The following RAPGEF4 variants were observed in gnomAD, a reference collection of about 807,000 sequenced individuals.
The protein encoded by RAPGEF4 is Rap guanine nucleotide exchange factor 4, also known as RAP guanine-nucleotide-exchange factor (GEF) 4.
Under a neutral mutation model 147.9 loss-of-function variants are expected in RAPGEF4, and 66 were observed. The observed-to-expected ratio is 0.45, with a 90% confidence interval of 0.37 to 0.55. The LOEUF (loss-of-function observed/expected upper bound fraction) is 0.55, where lower values mean the gene tolerates loss of function less well. RAPGEF4 is among the 20% of genes least tolerant of loss of function. The pLI is 0.00. For missense variants in RAPGEF4, 1,071 were observed against 1,257.3 expected (o/e 0.85, Z 2.24); for synonymous variants, 419 against 442.7 (o/e 0.95, Z 0.67).
chr2:172,905,295 G>T (rs976396322), intron 4 of RAPGEF4, among the ~76,000 whole-genome samples: 4 of 152,030 alleles, frequency 2.6e-5, no homozygotes, highest in African/African-American at 9.7e-5. Context: ...GTCCTCACTA[G>T]CCTGCAAGGC....
chr2:172,742,475 T>C (rs1483007038), intron 1 of RAPGEF4, among the ~76,000 whole-genome samples: 1 of 152,238 alleles, frequency 6.6e-6, no homozygotes, highest in African/African-American at 2.4e-5. Flanking sequence ...TATTTGGGTC[T>C]AGAGTTTGAC....
At chr2:172,921,501 C>G (rs1684757555) in intron 5 of RAPGEF4, among the ~76,000 whole-genome samples, 1 of 152,148 alleles carries the variant, frequency 6.6e-6, no homozygotes, top group African/African-American at 2.4e-5. Flanking sequence ...TTGCAAACCA[C>G]CTCATACTGC....
At chr2:172,821,629 T>C (rs1574946982) in intron 4 of RAPGEF4, 2 of 1,014,342 alleles carry the variant, frequency 2.0e-6, no homozygotes, top group African/African-American at 1.7e-5. Flanking sequence ...CTTGGACTTA[T>C]GTCTGCACCA....
chr2:173,039,051 C>A (rs567616811), intron 29 of RAPGEF4, among the ~76,000 whole-genome samples: 1 of 152,220 alleles, frequency 6.6e-6, no homozygotes, highest in Non-Finnish European at 1.5e-5. Context: ...CTCACAGAGT[C>A]CACTTTTGCT....
At chr2:172,779,282 G>A (rs1203196474) in intron 1 of RAPGEF4, among the ~76,000 whole-genome samples, 1 of 152,166 alleles carries the variant, frequency 6.6e-6, no homozygotes, top group African/African-American at 2.4e-5. Context: ...TTGGAATAAA[G>A]CAATGCAGGG....
intron 1 of RAPGEF4, among the ~76,000 whole-genome samples, chr2:172,771,145 A>G (rs1301216364): frequency 6.6e-6 from 1 of 152,006 alleles, no homozygotes; most frequent in Non-Finnish European, 1.5e-5. Context: ...TAAAAAATAA[A>G]TTTATTGCCC....
chr2:173,038,214 T>A (rs537174521), intron 29 of RAPGEF4, among the ~76,000 whole-genome samples: 1 of 152,346 alleles, frequency 6.6e-6, no homozygotes, highest in Non-Finnish European at 1.5e-5. Flanking sequence ...TTGATCAAAG[T>A]AGACAACATT....
chr2:173,029,985 A>G (rs1697031068), intron 25 of RAPGEF4, among the ~76,000 whole-genome samples, 179 bp from the exon 26 acceptor site: 1 of 152,236 alleles, frequency 6.6e-6, no homozygotes, highest in Non-Finnish European at 1.5e-5. Context: ...ACAGTGAGAA[A>G]TCAAACAGCA....
At chr2:172,912,226 T>C (rs1242426951) in intron 4 of RAPGEF4, among the ~76,000 whole-genome samples, 1 of 152,254 alleles carries the variant, frequency 6.6e-6, no homozygotes, top group African/African-American at 2.4e-5. Context: ...CTCTGTTTCT[T>C]ACAGTCCAGG....
intron 29 of RAPGEF4, 148 bp from the exon 30 acceptor site, chr2:173,048,452 A>G (rs917070346): frequency 5.6e-6 from 8 of 1,440,338 alleles, no homozygotes; most frequent in Middle Eastern, 2.4e-4. Flanking sequence ...CAAGTTATAC[A>G]TCAGCTAGTT....
intron 8 of RAPGEF4, among the ~76,000 whole-genome samples, chr2:172,962,948 G>GA (rs1689449358): frequency 1.3e-5 from 2 of 152,094 alleles, no homozygotes; most frequent in Admixed American, 1.3e-4. Flanking sequence ...AATTTTTGAA[G>GA]AAAAATGGTT....
Position 172,736,116 on chromosome 2 carries a change from A to G in RAPGEF4, c.65+68A>G, listed in dbSNP as rs1574633953. The stretch of plus-strand genomic sequence containing the variant: ...GCTGCCCGGGCCCTGAGACCGCCGC[A>G]GCTCCGCACCTGGGCGCAGCGCGGC... On this transcript the variant is annotated intron_variant, in intron 1 of 30. Transcript: ENST00000397081. 8 of 1,256,966 alleles carry G rather than the reference A, an allele frequency of 6.4e-6. No individual in the cohort carries two copies. The East Asian group carries it at 2.4e-4, about 37-fold the overall frequency. 77.9% of individuals were successfully genotyped at this position (1,256,966 alleles called of 1,614,324 possible). A position where few individuals can be genotyped will look rare whatever the true frequency, so the allele number is the denominator to read the frequency against.
chr2:172,935,002 C>T (rs1419997701), intron 6 of RAPGEF4, among the ~76,000 whole-genome samples: 1 of 152,100 alleles, frequency 6.6e-6, no homozygotes, highest in East Asian at 1.9e-4. Context: ...CGTGGTGAGG[C>T]CCTGTCACTA....
At chr2:172,944,845 A>C (rs1687530014) in intron 6 of RAPGEF4, among the ~76,000 whole-genome samples, 1 of 152,284 alleles carries the variant, frequency 6.6e-6, no homozygotes, top group Admixed American at 6.5e-5. Flanking sequence ...ATTCCTTCTC[A>C]TTGTACTTGC....
intron 1 of RAPGEF4, among the ~76,000 whole-genome samples, chr2:172,752,240 G>T (rs969209060): frequency 6.6e-6 from 1 of 152,154 alleles, no homozygotes; most frequent in Non-Finnish European, 1.5e-5. Flanking sequence ...ACCTCTGTTG[G>T]ATCAGTGTCT....
In RAPGEF4 at chr2:172,873,780, A is replaced by G. The variant is rs560652034; in HGVS notation, c.445-44022A>G. 3.3e-5 allele frequency among the ~76,000 whole-genome samples: 5 copies of G among 152,338 alleles called. No individual in the cohort carries two copies. The South Asian group carries it at 1.0e-3, about 32-fold the overall frequency. Reference sequence around the variant, plus strand: ...CCGACAACCTAAGGAATAGGAGAACATTTTTGCAATCTATCCATCTGATAA... The same window carrying G: ...CCGACAACCTAAGGAATAGGAGAACGTTTTTGCAATCTATCCATCTGATAA... On this transcript the variant is annotated intron_variant, in intron 4 of 30. Coordinates refer to ENST00000397081, the MANE Select transcript of RAPGEF4 (RefSeq NM_007023.4).
intron 4 of RAPGEF4, among the ~76,000 whole-genome samples, chr2:172,866,078 C>T (rs531989982): frequency 4.6e-5 from 7 of 152,234 alleles, no homozygotes; most frequent in African/African-American, 1.7e-4. Flanking sequence ...GGATCCTTCT[C>T]ATCTGAGTGT....
At chr2:172,784,882 A>G (rs1685045520) in intron 1 of RAPGEF4, among the ~76,000 whole-genome samples, 1 of 151,652 alleles carries the variant, frequency 6.6e-6, no homozygotes, top group Non-Finnish European at 1.5e-5. Context: ...CTGGAGTGCA[A>G]TGGTGCAACC....
intron 17 of RAPGEF4, among the ~76,000 whole-genome samples, chr2:173,010,648 T>G (rs140698413): frequency 7.9e-5 from 12 of 152,350 alleles, no homozygotes; most frequent in Non-Finnish European, 1.6e-4. Context: ...CCTTCCTACC[T>G]TTTTTGTAGG....
Sources: gnomAD v4.1 joint callset for allele counts (sites outside exome capture counted in the v4.1 genomes callset) on GRCh38, gnomAD v4.1.1 for gene constraint, MANE v1.5 for transcripts, NCBI Gene and HGNC (gene_info 2026-07-23, HGNC 2026-07-21) for gene names.